The following SASH1 variants were observed in gnomAD, a reference collection of about 807,000 sequenced individuals.
SASH1 encodes the protein SAM and SH3 domain containing 1, also known as SAM and SH3 domain-containing protein 1.
Under a neutral mutation model 125.2 loss-of-function variants are expected in SASH1, and 44 were observed. The observed-to-expected ratio is 0.35, with a 90% CI of 0.28 to 0.45. The LOEUF (loss-of-function observed/expected upper bound fraction) is 0.45, where lower values mean the gene tolerates loss of function less well. SASH1 is among the 20% of genes least tolerant of loss of function. The pLI is 1.00. For missense variants in SASH1, 1,426 were observed against 1,614.5 expected (o/e 0.88, Z 2.00); for synonymous variants, 639 against 649.1 (o/e 0.98, Z 0.24).
chr6:148,262,946 G>A, the SASH1 span, among the ~76,000 whole-genome samples: 3 of 152,180 alleles, frequency 2.0e-5, no homozygotes, highest in Non-Finnish European at 1.5e-5. Flanking sequence ...GAGCTGCTGG[G>A]GTTGTAAATT....
At chr6:148,448,505 C>T (rs753886178) in intron 4 of SASH1, among the ~76,000 whole-genome samples, 10 of 152,104 alleles carry the variant, frequency 6.6e-5, no homozygotes, top group African/African-American at 1.9e-4. Flanking sequence ...GACTTTTCCC[C>T]GGGTCACACT....
upstream of SASH1, among the ~76,000 whole-genome samples, chr6:148,270,382 ATT>A (rs34472832): frequency 0.029 from 4,473 of 151,944 alleles, 229 homozygotes; most frequent in African/African-American, 0.1. Flanking sequence ...ATATTTTAAA[ATT>A]TTTTTTTGTA....
At chr6:148,498,246 A>T (rs1011280173) in intron 8 of SASH1, among the ~76,000 whole-genome samples, 4 of 151,518 alleles carry the variant, frequency 2.6e-5, no homozygotes, top group Non-Finnish European at 5.9e-5. Flanking sequence ...AAAAAAAAAA[A>T]ACAAAAAAAA....
chr6:148,466,370 A>G (rs988899793), intron 4 of SASH1, among the ~76,000 whole-genome samples: 7 of 152,192 alleles, frequency 4.6e-5, no homozygotes, highest in Non-Finnish European at 8.8e-5. Context: ...CTTGCAGGGC[A>G]TGGGCCTGCC....
chr6:148,506,065 G>A (rs12202666), intron 8 of SASH1, among the ~76,000 whole-genome samples: 4,860 of 151,620 alleles, frequency 0.032, 118 homozygotes, highest in Admixed American at 0.066. Flanking sequence ...CACCACGCCC[G>A]GCCTGGTTGT....
chr6:148,199,089 T>G, the SASH1 span, among the ~76,000 whole-genome samples: 1 of 152,146 alleles, frequency 6.6e-6, no homozygotes, highest in Non-Finnish European at 1.5e-5. Context: ...GGATGAGAAC[T>G]GAGCTTTGCT....
intron 8 of SASH1, among the ~76,000 whole-genome samples, chr6:148,509,679 T>C (rs1311711387): frequency 6.6e-6 from 1 of 152,244 alleles, no homozygotes; most frequent in Non-Finnish European, 1.5e-5. Flanking sequence ...TCCCAAGAAC[T>C]GTTTGTTACA....
chr6:148,364,724 T>G (rs1171364835), intron 1 of SASH1, among the ~76,000 whole-genome samples: 1 of 152,070 alleles, frequency 6.6e-6, no homozygotes, highest in Non-Finnish European at 1.5e-5. Context: ...GTCTGCATCA[T>G]CCCCAAGGGT....
At position 148,529,070 on chromosome 6, in the gene SASH1, G is replaced by A. The variant is rs918179333; in HGVS notation, c.1428+1474G>A. Reference sequence around the variant, plus strand: ...TCTAATACCGCCGCTGATCTGACAGGAGGTGGAGCTCAGACAGTAATGCGG... The same window carrying A: ...TCTAATACCGCCGCTGATCTGACAGAAGGTGGAGCTCAGACAGTAATGCGG... On this transcript the variant is annotated intron_variant, in intron 12 of 19. Transcript: ENST00000367467. This position sits in a 1 kb window ranked among gnomAD's most constrained non-coding sequence, Gnocchi z 4.2. Among the ~76,000 whole-genome samples, 2 of 152,142 alleles carry A rather than the reference G, an allele frequency of 1.3e-5. No individual in the cohort carries two copies. Among genetic ancestry groups the A allele is most frequent in the African/African-American group, 4.8e-5 (2 of 41,434 alleles).
intron 1 of SASH1, among the ~76,000 whole-genome samples, chr6:148,332,555 C>T (rs909238617): frequency 2.6e-5 from 4 of 151,714 alleles, no homozygotes; most frequent in African/African-American, 9.7e-5. Context: ...ATTTAATCGT[C>T]TGCCCTTTAA....
At chr6:148,433,169 T>C (rs1482230793) in intron 2 of SASH1, among the ~76,000 whole-genome samples, 1 of 152,218 alleles carries the variant, frequency 6.6e-6, no homozygotes, top group East Asian at 1.9e-4. Flanking sequence ...TGACAATAAA[T>C]GCATTTGAGG....
chr6:148,474,596 G>A (rs1778258665), intron 7 of SASH1, among the ~76,000 whole-genome samples: 1 of 152,004 alleles, frequency 6.6e-6, no homozygotes, highest in Non-Finnish European at 1.5e-5. Context: ...TTTTGAGATA[G>A]GGTCTCACTA....
intron 8 of SASH1, among the ~76,000 whole-genome samples, chr6:148,488,434 A>G (rs1778965948): frequency 6.6e-6 from 1 of 152,342 alleles, no homozygotes; most frequent in South Asian, 2.1e-4. Context: ...GCCATTATGA[A>G]CAATGCTGCT....
intron 1 of SASH1, chr6:148,272,499 G>A (rs779472872): frequency 8.1e-6 from 3 of 371,270 alleles, no homozygotes; most frequent in Non-Finnish European, 1.8e-5. Context: ...CAGTATCTAG[G>A]GATTTTCAGT....
chr6:148,404,269 A>T (rs1207212781), intron 2 of SASH1, among the ~76,000 whole-genome samples: 1 of 152,224 alleles, frequency 6.6e-6, no homozygotes, highest in African/African-American at 2.4e-5. Flanking sequence ...TGGCTAATAA[A>T]AACATAAAAT....
At chr6:148,241,637 G>A in the SASH1 span, among the ~76,000 whole-genome samples, 686 of 152,240 alleles carry the variant, frequency 4.5e-3, 4 homozygotes, top group African/African-American at 0.014. Context: ...GAAATGAAGC[G>A]AGCTGCAATA....
chr6:148,432,045 G>A (rs1031605226), intron 2 of SASH1, among the ~76,000 whole-genome samples: 1 of 150,348 alleles, frequency 6.7e-6, no homozygotes, highest in Non-Finnish European at 1.5e-5. Flanking sequence ...ACGCAATCTC[G>A]GCTCACAGCA....
intron 7 of SASH1, among the ~76,000 whole-genome samples, chr6:148,476,359 G>A (rs935428054): frequency 6.8e-6 from 1 of 147,580 alleles, no homozygotes; most frequent in Non-Finnish European, 1.5e-5. Context: ...GCTACCCAAA[G>A]CAATCTACAG....
intron 1 of SASH1, among the ~76,000 whole-genome samples, chr6:148,275,248 C>A (rs903404784): frequency 6.6e-6 from 1 of 152,152 alleles, no homozygotes; most frequent in African/African-American, 2.4e-5. Context: ...TTCTCAAGAG[C>A]ATTTTTAATA....
Sources: gnomAD v4.1 joint callset for allele counts (sites outside exome capture counted in the v4.1 genomes callset) on GRCh38, gnomAD v4.1.1 for gene constraint, Gnocchi (gnomAD v3.1) non-coding constraint, MANE v1.5 for transcripts, NCBI Gene and HGNC (gene_info 2026-07-23, HGNC 2026-07-21) for gene names.